The following RSPH4A variants were observed in gnomAD, a reference collection of about 807,000 sequenced individuals.
The protein encoded by RSPH4A is radial spoke head protein 4 homolog A.
In RSPH4A, 47 loss-of-function variants were observed where a neutral mutation model predicts 71.0. The observed-to-expected ratio is 0.66, with a 90% confidence interval of 0.52 to 0.84. The LOEUF is 0.84. Among genes scored for constraint, RSPH4A ranks in the 40% least tolerant of loss-of-function variants. The probability of loss-of-function intolerance (pLI) is 0.00; values close to 1 mark genes in which losing one functional copy is unlikely to be tolerated. For missense variants in RSPH4A, 793 were observed against 855.2 expected (o/e 0.93, Z 0.91); for synonymous variants, 282 against 302.3 (o/e 0.93, Z 0.70).
rs1171839714 is a variant in RSPH4A at position 116,617,076 on chromosome 6, A to G, written c.453A>G (p.Gln151=). The change falls in exon 1 of 6, where the codon CAA becomes CAG. Residue 151 remains glutamine, a synonymous_variant. Coordinates refer to ENST00000229554, the MANE Select transcript of RSPH4A (RefSeq NM_001010892.3). ...HTSQSEGNTF[Q]QSQQPKPHLC... ...GCCAGTCAGAAGGAAACACCTTTCA[A>G]CAGTCTCAGCAACCCAAACCCCACC... 6.2e-7 allele frequency: 1 copy of G among 1,614,128 alleles called. No individual in the cohort carries two copies. Among genetic ancestry groups the G allele is most frequent in the African/African-American group, 1.3e-5 (1 of 74,946 alleles).
At chr6:116,630,405 T>G in intron 4 of RSPH4A, 30 bp from the exon 5 acceptor site, 1 of 1,165,058 alleles carries the variant, frequency 8.6e-7, no homozygotes, top group Non-Finnish European at 1.3e-6. Context: ...AGTTAGGAAT[T>G]AAGCTTTTGC....
chr6:116,617,720 C>G (rs916781096), intron 1 of RSPH4A, among the ~76,000 whole-genome samples: 2 of 152,096 alleles, frequency 1.3e-5, no homozygotes, highest in Non-Finnish European at 2.9e-5. Context: ...GCTTGCATGG[C>G]TTTTGAGTTC....
rs1054669007 is a variant in RSPH4A, at chr6:116,632,511, C to T, written c.*70C>T. On this transcript the variant is annotated 3_prime_UTR_variant, in exon 6 of 6. Coordinates refer to ENST00000229554, the MANE Select transcript of RSPH4A (RefSeq NM_001010892.3). ...CACCCCTTATATGGGACTAATTTTA[C>T]ACTTTTCTGTGTTATGTGTGTATAT... The T allele has an allele frequency of 2.6e-6, 4 of 1,550,468 alleles. No homozygotes were observed. Among genetic ancestry groups the T allele is most frequent in the African/African-American group, 1.4e-5 (1 of 73,156 alleles).
Position 116,630,570 on chromosome 6 carries a change from T to G in RSPH4A, c.1916+18T>G, listed in dbSNP as rs1342998743. ...AATGGCAAGTAAGTATCTGACCACT[T>G]ACAAAGCCATTTCTGTGATTAGTTA... On this transcript the variant is annotated intron_variant, in intron 5 of 5. Coordinates refer to ENST00000229554, the MANE Select transcript of RSPH4A (RefSeq NM_001010892.3). The G allele has an allele frequency of 1.1e-5, 12 of 1,139,002 alleles. No homozygotes were observed. Among genetic ancestry groups the G allele is most frequent in the Non-Finnish European group, 9.4e-6 (7 of 747,362 alleles). The allele number at this position is 1,139,002 out of a possible 1,614,324, so 70.6% of individuals were successfully genotyped here.
At chr6:116,618,198 T>A (rs1190414982) in intron 1 of RSPH4A, among the ~76,000 whole-genome samples, 1 of 152,206 alleles carries the variant, frequency 6.6e-6, no homozygotes, top group African/African-American at 2.4e-5. Flanking sequence ...CCAGAAGGCT[T>A]CTTTTCTAAG....
chr6:116,627,553 G>A (rs1053586882), intron 2 of RSPH4A, 76 bp from the exon 3 acceptor site: 34 of 1,115,832 alleles, frequency 3.0e-5, no homozygotes, highest in African/African-American at 4.6e-5. Context: ...GTAGAATATC[G>A]AGATACATGA....
chr6:116,620,078 C>A (rs1457490663), intron 1 of RSPH4A, among the ~76,000 whole-genome samples: 1 of 152,184 alleles, frequency 6.6e-6, no homozygotes. Flanking sequence ...TTTGCTACTC[C>A]ATAGTGGACT....
At position 116,616,883 on chromosome 6, in the gene RSPH4A, C is replaced by T. The variant is rs202006186; in HGVS notation, c.260C>T (p.Pro87Leu). The change falls in exon 1 of 6, where the codon CCG (proline) becomes CTG (leucine). Residue 87 changes from proline (P) to leucine (L), a missense_variant. Transcript: ENST00000229554. ...ACATCATCACCTGCTCCTGTCTCTCCGCGGGAGCCCTCTTCCTCTCCTTCT... is the reference window on the plus strand; with the variant it reads ...ACATCATCACCTGCTCCTGTCTCTCTGCGGGAGCCCTCTTCCTCTCCTTCT... ...PETSSPAPVS[P>L]REPSSSPSPL... The T allele has an allele frequency of 1.2e-6, 2 of 1,614,182 alleles. No individual in the cohort carries two copies. Among genetic ancestry groups the T allele is most frequent in the Non-Finnish European group, 1.7e-6 (2 of 1,180,028 alleles).
At position 116,632,298 on chromosome 6, in the gene RSPH4A, C is replaced by A. The variant is rs757833921; in HGVS notation, c.2008C>A (p.Pro670Thr). 1 of 1,613,056 alleles carries A rather than the reference C, an allele frequency of 6.2e-7. No individual in the cohort carries two copies. The highest frequency in any genetic ancestry group is 8.5e-7 in the Non-Finnish European group (1 of 1,179,854). ...PVPPPVYQEY[P>T]SGPEITEMDD... ...TCCACCACCAGTTTATCAAGAATAC[C>A]CCAGTGGACCAGAAATTACAGAAAT... Residue 670 changes from proline (P) to threonine (T), a missense_variant, in exon 6 of 6, where the codon CCC (proline) becomes ACC (threonine). Transcript: ENST00000229554.
chr6:116,621,956 C>T (rs1032990595), intron 1 of RSPH4A, among the ~76,000 whole-genome samples: 1 of 152,034 alleles, frequency 6.6e-6, no homozygotes, highest in Admixed American at 6.6e-5. Context: ...TTTGAAAAAG[C>T]AAACACTAGC....
intron 1 of RSPH4A, among the ~76,000 whole-genome samples, chr6:116,619,998 C>T (rs1243755071): frequency 1.3e-5 from 2 of 152,186 alleles, no homozygotes; most frequent in Admixed American, 1.3e-4. Context: ...GGATTACAGG[C>T]GTGAGCCACC....
chr6:116,618,894 C>T (rs1483736295), intron 1 of RSPH4A, among the ~76,000 whole-genome samples: 1 of 152,228 alleles, frequency 6.6e-6, no homozygotes, highest in African/African-American at 2.4e-5. Context: ...GCTGATTAAC[C>T]TGTGCTTCTG....
rs751912889 is a variant in RSPH4A, at chr6:116,632,453, T to A, written c.*12T>A. 1 of 1,601,638 alleles carries A rather than the reference T, an allele frequency of 6.2e-7. No homozygotes were observed. The highest frequency in any genetic ancestry group is 2.2e-5 in the East Asian group (1 of 44,648). On this transcript the variant is annotated 3_prime_UTR_variant, in exon 6 of 6. Transcript: ENST00000229554. ...ATGATTATGACTAATAAACATAAAA[T>A]TAGCCTGGTTTTATGTGACACTGAT... is the stretch of plus-strand genomic sequence containing the variant.
rs1261497097 is a variant in RSPH4A at position 116,616,918 on chromosome 6, C to G, written c.295C>G (p.Pro99Ala). 7.4e-6 allele frequency: 12 copies of G among 1,614,230 alleles called. No individual in the cohort carries two copies. The highest frequency in any genetic ancestry group is 1.0e-5 in the Non-Finnish European group (12 of 1,180,038). The change falls in exon 1 of 6, where the codon CCG becomes GCG. Residue 99 changes from proline (P) to alanine (A), a missense_variant. By Grantham distance (27) the Pro-to-Ala change is conservative. Transcript: ENST00000229554. ...CTCTTCCTCTCCTTCTCCCCTGGCT[C>G]CGGCCAGACAAGACCTCGCGGCACC... Reference protein sequence around the residue: ...EPSSSPSPLAPARQDLAAPPQ... With the variant: ...EPSSSPSPLAAARQDLAAPPQ...
At chr6:116,630,409 C>A in intron 4 of RSPH4A, 26 bp from the exon 5 acceptor site, 1 of 1,219,112 alleles carries the variant, frequency 8.2e-7, no homozygotes, top group Non-Finnish European at 1.2e-6. Flanking sequence ...AGGAATTAAG[C>A]TTTTGCATTT....
chr6:116,630,532 A>G lies in RSPH4A; in HGVS notation c.1896A>G (p.Ala632=), dbSNP rs1775777904. Residue 632 remains alanine (A), a synonymous_variant, in exon 5 of 6, where the codon GCA becomes GCG. Coordinates refer to ENST00000229554, the MANE Select transcript of RSPH4A (RefSeq NM_001010892.3). ...TTCAATCCAACCTTTGGCCTGGAGC[A>G]TATGCCTTCTCCAATGGCAAGTAAG... is the stretch of plus-strand genomic sequence containing the variant. ...AVLQSNLWPG[A]YAFSNGKKFE... is the part of the protein sequence containing the mutation. 2 of 1,572,550 alleles carry G rather than the reference A, an allele frequency of 1.3e-6. No individual in the cohort carries two copies. The highest frequency in any genetic ancestry group is 1.8e-6 in the Non-Finnish European group (2 of 1,142,376).
intron 2 of RSPH4A, among the ~76,000 whole-genome samples, chr6:116,625,659 G>A (rs1775682206): frequency 6.6e-6 from 1 of 152,040 alleles, no homozygotes. Flanking sequence ...TACAAGAGGA[G>A]GAAATAATGC....
intron 2 of RSPH4A, among the ~76,000 whole-genome samples, chr6:116,625,812 AAAG>A (rs1274421114): frequency 6.6e-6 from 1 of 152,218 alleles, no homozygotes; most frequent in Non-Finnish European, 1.5e-5. Context: ...TACATAGAAA[AAAG>A]AGAAAACTTT....
intron 2 of RSPH4A, among the ~76,000 whole-genome samples, chr6:116,623,625 T>A (rs7741467): frequency 0.36 from 55,025 of 152,010 alleles, 10,599 homozygotes; most frequent in African/African-American, 0.49. Context: ...GGTACAGATC[T>A]GGATGTATAG....
Sources: gnomAD v4.1 joint callset for allele counts (sites outside exome capture counted in the v4.1 genomes callset) on GRCh38, gnomAD v4.1.1 for gene constraint, MANE v1.5 for transcripts, NCBI Gene and HGNC (gene_info 2026-07-23, HGNC 2026-07-21) for gene names.